The following ABCA6 variants were observed in gnomAD, a reference collection of about 807,000 sequenced individuals.
ABCA6 encodes ATP-binding cassette sub-family A member 6.
In ABCA6, 164 loss-of-function variants were observed where a neutral mutation model predicts 191.2. The ratio of observed to expected loss-of-function variants is 0.86; its 90% confidence interval spans 0.76 to 0.98. ABCA6 has a LOEUF of 0.98. Ranked by LOEUF, ABCA6 falls within the 50% of genes least tolerant of loss-of-function variation. The probability of loss-of-function intolerance (pLI) is 0.00; values close to 1 mark genes in which losing one functional copy is unlikely to be tolerated. For missense variants in ABCA6, 1,958 were observed against 1,894.1 expected (o/e 1.03, Z -0.63); for synonymous variants, 636 against 647.7 (o/e 0.98, Z 0.27).
At chr17:69,134,405 TAGAC>T (rs2073916074) in intron 5 of ABCA6, among the ~76,000 whole-genome samples, 1 of 152,144 alleles carries the variant, frequency 6.6e-6, no homozygotes, top group Non-Finnish European at 1.5e-5. Context: ...TGAGGACACT[TAGAC>T]GGTGCTATCT....
rs763540217 is a variant in ABCA6 at position 69,128,722 on chromosome 17, C to G, written c.1016G>C (p.Trp339Ser). ...NLVVFLLTLF[W>S]GCLGFTVFYE... is the part of the protein sequence containing the mutation. ...AAATACAGTGAATCCCAGACATCCCCAAAAGAGGGTAAGGAGAAACACAAC... is the reference window on the plus strand; with the variant it reads ...AAATACAGTGAATCCCAGACATCCCGAAAAGAGGGTAAGGAGAAACACAAC... The change falls in exon 8 of 39, where the codon TGG becomes TCG. Residue 339 changes from tryptophan to serine, a missense_variant. Transcript: ENST00000284425. 2 of 1,612,830 alleles carry G rather than the reference C, an allele frequency of 1.2e-6. No individual in the cohort carries two copies. The highest frequency in any genetic ancestry group is 1.7e-6 in the Non-Finnish European group (2 of 1,179,288).
At chr17:69,139,886 C>G (rs574147243) in intron 2 of ABCA6, among the ~76,000 whole-genome samples, 1,778 of 139,108 alleles carry the variant, frequency 0.013, 15 homozygotes, top group Non-Finnish European at 0.019. Context: ...TCATAGATGG[C>G]AATTGAACAA....
In ABCA6 at chr17:69,115,485, G is replaced by T; in HGVS notation, c.1497C>A (p.Gly499=). Residue 499 remains glycine, a splice_region_variant and synonymous_variant, in exon 12 of 39, where the codon GGC becomes GGA. Transcript: ENST00000284425. ...GACCTTCATATATGTCAAAGAGCAA[G>T]CCTATTTTTAGAACAAATTGTTAAC... The part of the protein sequence containing the change: ...GKSGKVEALK[G]LLFDIYEGQI... The T allele has an allele frequency of 6.2e-7, 1 of 1,604,738 alleles. No individual in the cohort carries two copies.
intron 17 of ABCA6, 199 bp downstream of exon 17, chr17:69,110,602 T>C (rs967257722): frequency 5.4e-6 from 3 of 553,074 alleles, no homozygotes; most frequent in Non-Finnish European, 9.2e-6. Context: ...CCCTCTCTCC[T>C]GTCCCCATTA....
chr17:69,132,113 A>G (rs1350442976), intron 6 of ABCA6, among the ~76,000 whole-genome samples: 3 of 152,162 alleles, frequency 2.0e-5, no homozygotes, highest in Non-Finnish European at 2.9e-5. Context: ...AATATATTTT[A>G]TAGAAAATTA....
At chr17:69,105,907 C>A in intron 19 of ABCA6, 121 bp downstream of exon 19, 1 of 1,109,374 alleles carries the variant, frequency 9.0e-7, no homozygotes, top group Non-Finnish European at 1.3e-6. Flanking sequence ...AAATTAAATG[C>A]TGAATTTATC....
intron 34 of ABCA6, among the ~76,000 whole-genome samples, chr17:69,083,908 G>A (rs2072704772): frequency 1.3e-5 from 2 of 151,892 alleles, no homozygotes; most frequent in South Asian, 2.1e-4. Flanking sequence ...AAAACAAACA[G>A]GAAAATTGTG....
rs145579947 is a variant in ABCA6, at chr17:69,088,167, C to G, written c.3698G>C (p.Arg1233Thr). The change falls in exon 28 of 39, where the codon AGA becomes ACA. Residue 1233 changes from arginine (R) to threonine (T), a missense_variant and splice_region_variant. Coordinates refer to ENST00000284425, the MANE Select transcript of ABCA6 (RefSeq NM_080284.3). ...GTATAAAGTTAAATTTCACCCCAAC[C>G]TGAAAACAGGATCTTTTCGCATTCT... ...KKRMRKDPVF[R>T]ISPQSRDAKP... 1.2e-6 allele frequency: 2 copies of G among 1,609,308 alleles called. No individual in the cohort carries two copies. Among genetic ancestry groups the G allele is most frequent in the African/African-American group, 2.7e-5 (2 of 74,762 alleles).
intron 9 of ABCA6, among the ~76,000 whole-genome samples, chr17:69,124,573 C>T (rs1290154506): frequency 6.6e-6 from 1 of 151,728 alleles, no homozygotes; most frequent in Non-Finnish European, 1.5e-5. Context: ...GACATAAATC[C>T]TAATATGACC....
At chr17:69,080,299 T>C (rs1052936690) in intron 37 of ABCA6, among the ~76,000 whole-genome samples, 3 of 152,022 alleles carry the variant, frequency 2.0e-5, no homozygotes, top group Admixed American at 1.3e-4. Context: ...AGACGAACCA[T>C]CTAGATATGC....
chr17:69,089,318 G>A, intron 27 of ABCA6, 147 bp downstream of exon 27: 1 of 685,086 alleles, frequency 1.5e-6, no homozygotes, highest in Non-Finnish European at 2.4e-6. Context: ...GTAACTCTAA[G>A]GTTTAGAAAC....
chr17:69,096,502 T>C (rs2073049043), intron 24 of ABCA6, 126 bp downstream of exon 24: 2 of 838,108 alleles, frequency 2.4e-6, no homozygotes, highest in Non-Finnish European at 3.4e-6. Context: ...TACATGCACT[T>C]TGCATGTTTT....
At chr17:69,125,276 A>G (rs2144697989) in intron 8 of ABCA6, among the ~76,000 whole-genome samples, 1 of 151,908 alleles carries the variant, frequency 6.6e-6, no homozygotes, top group East Asian at 1.9e-4. Flanking sequence ...TTTAAATTAT[A>G]ATTCATTTGT....
chr17:69,136,527 T>C (rs1250852583), intron 3 of ABCA6, among the ~76,000 whole-genome samples: 1 of 152,176 alleles, frequency 6.6e-6, no homozygotes, highest in Non-Finnish European at 1.5e-5. Flanking sequence ...AAATTAAGTA[T>C]GCATAAGAGA....
Position 69,128,603 on chromosome 17 carries a change from T to C in ABCA6, c.1119+16A>G, listed in dbSNP as rs188511283. ...TTTTGAAATTTCAGTAATAAACCAA[T>C]TAACTAGGCTCTTACCTGAATCATT... is the stretch of plus-strand genomic sequence containing the variant. On this transcript the variant is annotated intron_variant, in intron 8 of 38. Coordinates refer to ENST00000284425, the MANE Select transcript of ABCA6 (RefSeq NM_080284.3). The C allele has an allele frequency of 3.8e-4, 603 of 1,591,678 alleles. 4 individuals carry two copies. The highest frequency in any genetic ancestry group is 1.0e-3 in the Middle Eastern group (6 of 5,936).
intron 23 of ABCA6, among the ~76,000 whole-genome samples, chr17:69,097,450 A>G (rs1230421713): frequency 6.6e-6 from 1 of 151,954 alleles, no homozygotes. Context: ...ATTTACCTTT[A>G]CCTAAACATC....
In ABCA6 at chr17:69,134,727, C is replaced by A; in HGVS notation, c.476G>T (p.Gly159Val). 6.2e-7 allele frequency: 1 copy of A among 1,613,300 alleles called. No homozygotes were observed. The highest frequency in any genetic ancestry group is 2.2e-5 in the East Asian group (1 of 44,856). ...KEDFSAHCWDGYGEFSCTLTK... is the reference protein window; with the variant it reads ...KEDFSAHCWDVYGEFSCTLTK... ...CAATGTACATGAAAACTCACCATATCCATCCCAGCAATGAGCTGTAAGCAC... is the reference window on the plus strand; with the variant it reads ...CAATGTACATGAAAACTCACCATATACATCCCAGCAATGAGCTGTAAGCAC... The change falls in exon 5 of 39, where the codon GGA (glycine) becomes GTA (valine). Residue 159 changes from glycine to valine, a missense_variant. By Grantham distance (109) the Gly-to-Val change is moderately radical (BLOSUM62 -3). Coordinates refer to ENST00000284425, the MANE Select transcript of ABCA6 (RefSeq NM_080284.3).
chr17:69,096,629 A>G lies in ABCA6; in HGVS notation c.3293T>C (p.Leu1098Ser). 6.5e-7 allele frequency: 1 copy of G among 1,526,798 alleles called. No individual in the cohort carries two copies. Among genetic ancestry groups the G allele is most frequent in the Non-Finnish European group, 8.7e-7 (1 of 1,144,048 alleles). 94.6% of individuals were successfully genotyped at this position (1,526,798 alleles called of 1,614,324 possible). Residue 1098 changes from leucine (L) to serine (S), a missense_variant and splice_region_variant, in exon 24 of 39, where the codon TTG becomes TCG. Leu to Ser is a moderately radical substitution (Grantham distance 145). Coordinates refer to ENST00000284425, the MANE Select transcript of ABCA6 (RefSeq NM_080284.3). ...LLITSQIVFALVIVTPGYAAS... is the reference protein window; with the variant it reads ...LLITSQIVFASVIVTPGYAAS... ...TGGTTTATGTACTGTGTTACTTACC[A>G]AAGCAAACACAATTTGGCTTGTAAT...
intron 6 of ABCA6, among the ~76,000 whole-genome samples, chr17:69,131,473 A>G (rs1357022704): frequency 1.3e-5 from 2 of 152,200 alleles, no homozygotes; most frequent in East Asian, 3.9e-4. Context: ...ATTACAAATG[A>G]AAGAAATTAC....
Sources: gnomAD v4.1 joint callset for allele counts (sites outside exome capture counted in the v4.1 genomes callset) on GRCh38, gnomAD v4.1.1 for gene constraint, MANE v1.5 for transcripts, NCBI Gene and HGNC (gene_info 2026-07-23, HGNC 2026-07-21) for gene names.